Variants in NIPAL2 observed in about 807,000 individuals in gnomAD.
NIPAL2 encodes the protein NIPA like domain containing 2.
In NIPAL2, 43 loss-of-function variants were observed where a neutral mutation model predicts 48.9. The observed-to-expected ratio is 0.88, with a 90% confidence interval of 0.69 to 1.13. The LOEUF (loss-of-function observed/expected upper bound fraction) is 1.13. Ranked by LOEUF, NIPAL2 falls within the 50% of genes most tolerant of loss-of-function variation. The pLI is 0.00. For missense variants in NIPAL2, 446 were observed against 461.4 expected, an observed-to-expected ratio of 0.97 and a Z score of 0.31; for synonymous variants, 167 against 174.6, an observed-to-expected ratio of 0.96 and a Z score of 0.34.
intron 1 of NIPAL2, among the ~76,000 whole-genome samples, chr8:98,265,944 A>G (rs1586442712): frequency 6.6e-6 from 1 of 151,888 alleles, no homozygotes; most frequent in Admixed American, 6.6e-5. Context: ...ATGGAATACT[A>G]TGCAGCCATA....
intron 3 of NIPAL2, 101 bp downstream of exon 3, chr8:98,252,362 A>C: frequency 4.3e-6 from 5 of 1,159,084 alleles, no homozygotes; most frequent in Non-Finnish European, 6.0e-6. Flanking sequence ...AAACCAGGCA[A>C]TAGACTTTCT....
At chr8:98,224,145 AT>A (rs1257957302) in intron 4 of NIPAL2, among the ~76,000 whole-genome samples, 1 of 152,140 alleles carries the variant, frequency 6.6e-6, no homozygotes, top group East Asian at 1.9e-4. Flanking sequence ...TTGTATTTAA[AT>A]TTAGTTTTGA....
At chr8:98,247,901 C>T (rs1050885060) in intron 3 of NIPAL2, among the ~76,000 whole-genome samples, 1 of 152,160 alleles carries the variant, frequency 6.6e-6, no homozygotes, top group Non-Finnish European at 1.5e-5. Context: ...TTAATAGTTT[C>T]CCAGAAAACG....
chr8:98,194,613 G>T, intron 10 of NIPAL2, 115 bp downstream of exon 10: 1 of 520,046 alleles, frequency 1.9e-6, no homozygotes, highest in Non-Finnish European at 3.3e-6. Context: ...ATTATTAAAT[G>T]TACATTTTTT....
chr8:98,256,155 C>T (rs1009471469), intron 1 of NIPAL2, among the ~76,000 whole-genome samples: 7 of 152,050 alleles, frequency 4.6e-5, no homozygotes, highest in African/African-American at 1.7e-4. Context: ...TCCCCAGTAG[C>T]TGGAACCACA....
intron 6 of NIPAL2, among the ~76,000 whole-genome samples, chr8:98,211,736 G>GTGTA (rs1333463207): frequency 3.5e-5 from 5 of 143,444 alleles, no homozygotes; most frequent in Non-Finnish European, 7.8e-5. Context: ...GAGAGAAAGT[G>GTGTA]TGTGTGTGTG....
intron 1 of NIPAL2, among the ~76,000 whole-genome samples, chr8:98,293,538 T>C (rs1816601959): frequency 6.6e-6 from 1 of 152,234 alleles, no homozygotes; most frequent in South Asian, 2.1e-4. Flanking sequence ...GCAGGGCATC[T>C]GCGCGAGGTG....
chr8:98,282,432 G>C (rs990335290), intron 1 of NIPAL2, among the ~76,000 whole-genome samples: 1 of 152,154 alleles, frequency 6.6e-6, no homozygotes, highest in African/African-American at 2.4e-5. Flanking sequence ...CCAGGGAACA[G>C]GAAGACCAAG....
chr8:98,268,062 T>G (rs1305900819), intron 1 of NIPAL2, among the ~76,000 whole-genome samples: 1 of 152,222 alleles, frequency 6.6e-6, no homozygotes, highest in Non-Finnish European at 1.5e-5. Context: ...AAACTGTACC[T>G]GAGTGAATCA....
intron 1 of NIPAL2, among the ~76,000 whole-genome samples, chr8:98,260,822 G>C (rs1209627015): frequency 6.6e-6 from 1 of 152,194 alleles, no homozygotes; most frequent in Admixed American, 6.5e-5. Context: ...CACCTCTGGG[G>C]GCAGGGCACA....
At chr8:98,232,005 A>T (rs563648405) in intron 4 of NIPAL2, 73 of 152,156 alleles carry the variant, frequency 4.8e-4, no homozygotes, top group African/African-American at 1.6e-3. Context: ...TGCTTTTTTT[A>T]AAAAATTTTT....
At chr8:98,196,763 C>A (rs374360374) in intron 8 of NIPAL2, among the ~76,000 whole-genome samples, 10 of 152,192 alleles carry the variant, frequency 6.6e-5, no homozygotes, top group East Asian at 3.8e-4. Flanking sequence ...GTTAGCCAGC[C>A]AACCAATATT....
intron 8 of NIPAL2, among the ~76,000 whole-genome samples, chr8:98,200,597 A>G (rs1301662692): frequency 6.6e-6 from 1 of 152,224 alleles, no homozygotes; most frequent in Non-Finnish European, 1.5e-5. Context: ...GAACATACAT[A>G]TACAAATGTC....
chr8:98,214,670 G>T (rs1177460561), intron 5 of NIPAL2, among the ~76,000 whole-genome samples: 2 of 152,034 alleles, frequency 1.3e-5, no homozygotes, highest in Non-Finnish European at 2.9e-5. Flanking sequence ...TCAAGGGTTT[G>T]CTTGTGGGTT....
At chr8:98,271,182 C>CT (rs752832633) in intron 1 of NIPAL2, among the ~76,000 whole-genome samples, 21 of 152,024 alleles carry the variant, frequency 1.4e-4, no homozygotes, top group Non-Finnish European at 2.5e-4. Context: ...TATTCAGGCT[C>CT]TTTTTTGGTA....
intron 1 of NIPAL2, among the ~76,000 whole-genome samples, chr8:98,254,314 T>C (rs1813756635): frequency 6.6e-6 from 1 of 152,184 alleles, no homozygotes; most frequent in African/African-American, 2.4e-5. Context: ...TCTCTAGATA[T>C]TTTTCTGCCT....
chr8:98,291,489 A>G (rs892934838), intron 1 of NIPAL2, among the ~76,000 whole-genome samples: 8 of 152,182 alleles, frequency 5.3e-5, no homozygotes, highest in Admixed American at 4.6e-4. Context: ...GGGACTTTAT[A>G]TCACTCACAT....
In NIPAL2 at chr8:98,271,884, G is replaced by GT. The variant is rs535594385; in HGVS notation, c.136-17798dup. On this transcript the variant is annotated intron_variant, in intron 1 of 10. Coordinates refer to ENST00000430223, the MANE Select transcript of NIPAL2 (RefSeq NM_001321635.2). ...TCCTTTGGTGCCTAGTTTGTTGAGA[G>GT]TTTTTTTTTTTTGTCATGAAATGAT... Among the ~76,000 whole-genome samples the GT allele has an allele frequency of 6.2e-3, 874 of 141,678 alleles. 4 individuals are homozygous for GT. The highest frequency in any genetic ancestry group is 0.015 in the African/African-American group (576 of 38,918). The allele number at this position is 141,678 out of a possible 152,430, so 92.9% of individuals were successfully genotyped here.
chr8:98,222,134 C>G (rs746314264), intron 5 of NIPAL2, among the ~76,000 whole-genome samples: 1 of 152,038 alleles, frequency 6.6e-6, no homozygotes, highest in Non-Finnish European at 1.5e-5. Context: ...TGAAGAGAAC[C>G]CCTATTTTGA....
Sources: gnomAD v4.1 joint callset for allele counts (sites outside exome capture counted in the v4.1 genomes callset) on GRCh38, gnomAD v4.1.1 for gene constraint, MANE v1.5 for transcripts, NCBI Gene and HGNC (gene_info 2026-07-23, HGNC 2026-07-21) for gene names.